Variants in NCAPH2 observed in about 807,000 individuals in gnomAD.
NCAPH2 encodes condensin-2 complex subunit H2.
Under a neutral mutation model 88.6 loss-of-function variants are expected in NCAPH2, and 56 were observed. That is an observed-to-expected ratio of 0.63 (90% confidence interval 0.51 to 0.79). NCAPH2 has a LOEUF of 0.79. Ranked by LOEUF, NCAPH2 falls within the 30% of genes least tolerant of loss-of-function variation. The pLI is 0.00. For synonymous variants in NCAPH2, 378 were observed against 313.6 expected, an observed-to-expected ratio of 1.21 and a Z score of -2.17; for missense variants, 794 against 792.0, an observed-to-expected ratio of 1.00 and a Z score of -0.03.
rs761306095 is a variant in NCAPH2, at chr22:50,518,735, G to A, written c.730+3G>A. ...ACTCGGCTTCTCCCAGGAGCCAGGT[G>A]AGAAGAGAGCTCCCCGGTGGGACTG... On this transcript the variant is annotated splice_donor_region_variant and intron_variant, in intron 8 of 19. Coordinates refer to ENST00000420993, the MANE Select transcript of NCAPH2 (RefSeq NM_152299.4). 9.4e-6 allele frequency: 15 copies of A among 1,601,870 alleles called. No individual in the cohort carries two copies. Among genetic ancestry groups the A allele is most frequent in the Non-Finnish European group, 1.2e-5 (14 of 1,175,412 alleles).
At chr22:50,514,173 A>T (rs1005420541) in intron 1 of NCAPH2, among the ~76,000 whole-genome samples, 1 of 152,144 alleles carries the variant, frequency 6.6e-6, no homozygotes, top group Non-Finnish European at 1.5e-5. Flanking sequence ...GAGGGCAGGC[A>T]GCTGGAGAGG....
Position 50,521,054 on chromosome 22 carries a change from C to T in NCAPH2, c.933+18C>T. 6.5e-7 allele frequency: 1 copy of T among 1,549,088 alleles called. No homozygotes were observed. The highest frequency in any genetic ancestry group is 1.4e-5 in the African/African-American group (1 of 73,152). On this transcript the variant is annotated intron_variant, in intron 10 of 19. Coordinates refer to ENST00000420993, the MANE Select transcript of NCAPH2 (RefSeq NM_152299.4). The stretch of plus-strand genomic sequence containing the variant: ...GCGTGAAGGTAGGAGTGTTGGGGCC[C>T]TGACCCCCGGCAGGGAGGGATGGGC...
intron 10 of NCAPH2, 27 bp from the exon 11 acceptor site, chr22:50,521,516 C>T: frequency 6.2e-7 from 1 of 1,612,550 alleles, no homozygotes; most frequent in East Asian, 2.2e-5. Flanking sequence ...CCTACTTCTC[C>T]AGCGCCTTCT....
rs764410162 is a variant in NCAPH2 at position 50,518,032 on chromosome 22, GAAC to G, written c.486_488del (p.Asn163del). On this transcript the variant is annotated inframe_deletion, in exon 6 of 20. Transcript: ENST00000420993. ...TGGTGGCCCCTGATGAAATGGAGAA[GAAC>G]AACAATCCCCTGTACAGGTAGGGAT... 12 of 1,614,070 alleles carry G rather than the reference GAAC, an allele frequency of 7.4e-6. No homozygotes were observed. The highest frequency in any genetic ancestry group is 3.3e-5 in the Admixed American group (2 of 60,012).
chr22:50,514,697 C>G (rs1258494951), intron 1 of NCAPH2, among the ~76,000 whole-genome samples: 2 of 152,212 alleles, frequency 1.3e-5, no homozygotes, highest in African/African-American at 4.8e-5. Context: ...CTCTTCAGGT[C>G]CTGAACACCC....
intron 7 of NCAPH2, 122 bp from the exon 8 acceptor site, chr22:50,518,527 A>G (rs981239169): frequency 2.7e-6 from 3 of 1,105,198 alleles, no homozygotes; most frequent in Non-Finnish European, 3.8e-6. Context: ...CCCCAGCCCA[A>G]GGCCTGGAGT....
intron 2 of NCAPH2, 36 bp from the exon 3 acceptor site, chr22:50,517,391 C>G (rs2068954052): frequency 6.2e-7 from 1 of 1,612,254 alleles, no homozygotes; most frequent in South Asian, 1.1e-5. Flanking sequence ...TGGGCCCCTC[C>G]TTTCTGGGTC....
At position 50,515,597 on chromosome 22, in the gene NCAPH2, C is replaced by T. The variant is rs368427108; in HGVS notation, c.109-850C>T. On this transcript the variant is annotated intron_variant, in intron 1 of 19. Coordinates refer to ENST00000420993, the MANE Select transcript of NCAPH2 (RefSeq NM_152299.4). ...ATTTTTAGTAGAGACGAGGTTTCAC[C>T]GTGTTAGCCAGGATGGTCTCGATCT... is the stretch of plus-strand genomic sequence containing the variant. The T allele has an allele frequency of 1.8e-3, 1,190 of 644,120 alleles. 10 individuals are homozygous for T. The African/African-American group carries it at 0.021, about 11-fold the overall frequency. The allele number at this position is 644,120 out of a possible 1,614,324, so 39.9% of individuals were successfully genotyped here.
rs759452074 is a variant in NCAPH2 at position 50,523,835 on chromosome 22, C to A, written c.*460C>A. On this transcript the variant is annotated 3_prime_UTR_variant, in exon 20 of 20. Coordinates refer to ENST00000420993, the MANE Select transcript of NCAPH2 (RefSeq NM_152299.4). ...GCCTGGGCAACCTGTTTGGTGGAGC[C>A]GGTCAGACCCAACAGTCTTGGGTGG... 1.2e-6 allele frequency: 2 copies of A among 1,614,024 alleles called. No individual in the cohort carries two copies. Among genetic ancestry groups the A allele is most frequent in the Admixed American group, 3.3e-5 (2 of 60,024 alleles).
Position 50,524,709 on chromosome 22 carries a change from A to G in NCAPH2, c.*1334A>G, listed in dbSNP as rs1306534441. The G allele has an allele frequency of 2.4e-5, 15 of 629,970 alleles. No homozygotes were observed. The highest frequency in any genetic ancestry group is 4.6e-5 in the Non-Finnish European group (15 of 329,266). 39.0% of individuals were successfully genotyped at this position (629,970 alleles called of 1,614,324 possible). A position where few individuals can be genotyped will look rare whatever the true frequency, so the allele number is the denominator to read the frequency against. On this transcript the variant is annotated 3_prime_UTR_variant, in exon 20 of 20. Transcript: ENST00000420993. The stretch of plus-strand genomic sequence containing the variant: ...CAAGGTGAACCTCTTGCTGACGGAA[A>G]GCATTCCAAGTGCATGCCTTGCCTG...
chr22:50,512,229 T>A (rs57965164), intron 1 of NCAPH2, among the ~76,000 whole-genome samples: 13,957 of 152,280 alleles, frequency 0.092, 2,132 homozygotes, highest in African/African-American at 0.31. Flanking sequence ...GTTAAAGTGT[T>A]TGTTAAATGC....
intron 17 of NCAPH2, 48 bp downstream of exon 17, chr22:50,522,768 C>A (rs759929011): frequency 2.5e-6 from 4 of 1,612,178 alleles, no homozygotes; most frequent in Admixed American, 1.7e-5. Flanking sequence ...GACAGGTGAG[C>A]GGTGCCCAGG....
In NCAPH2 at chr22:50,522,935, C is replaced by T. The variant is rs776761186; in HGVS notation, c.1527+13C>T. 3.0e-5 allele frequency: 49 copies of T among 1,612,322 alleles called. No individual in the cohort carries two copies. Among genetic ancestry groups the T allele is most frequent in the African/African-American group, 4.0e-5 (3 of 74,912 alleles). ...GCTCCAGGAGCAGGTGAGGCGGGGCCGCTGGGAACCAGAGCTGTGTGCCAC... is the reference window on the plus strand; with the variant it reads ...GCTCCAGGAGCAGGTGAGGCGGGGCTGCTGGGAACCAGAGCTGTGTGCCAC... On this transcript the variant is annotated intron_variant, in intron 18 of 19. Transcript: ENST00000420993.
At chr22:50,511,662 T>C (rs1280609973) in intron 1 of NCAPH2, among the ~76,000 whole-genome samples, 2 of 135,718 alleles carry the variant, frequency 1.5e-5, no homozygotes, top group Non-Finnish European at 3.1e-5. Flanking sequence ...TTTTTTTTTC[T>C]TGAGACAGAG....
chr22:50,519,393 T>G (rs1237760599), intron 9 of NCAPH2, 73 bp downstream of exon 9: 6 of 1,587,132 alleles, frequency 3.8e-6, no homozygotes, highest in Non-Finnish European at 5.1e-6. Flanking sequence ...CGAGTCACCT[T>G]GCACAAGGAG....
At chr22:50,519,954 T>C (rs2069040083) in intron 9 of NCAPH2, among the ~76,000 whole-genome samples, 1 of 152,128 alleles carries the variant, frequency 6.6e-6, no homozygotes, top group African/African-American at 2.4e-5. Flanking sequence ...CACTGCAAGC[T>C]CCGCCTCCCG....
chr22:50,512,154 G>T (rs1318714479), intron 1 of NCAPH2, among the ~76,000 whole-genome samples: 1 of 152,222 alleles, frequency 6.6e-6, no homozygotes, highest in Non-Finnish European at 1.5e-5. Flanking sequence ...ATTCTGCCAG[G>T]GCAGGGACCA....
chr22:50,517,722 G>A lies in NCAPH2; in HGVS notation c.352-19G>A, dbSNP rs376989523. 2.2e-5 allele frequency: 36 copies of A among 1,613,950 alleles called. No homozygotes were observed. Among genetic ancestry groups the A allele is most frequent in the African/African-American group, 8.0e-5 (6 of 74,934 alleles). Reference sequence around the variant, plus strand: ...GTGTTTGCCTGGGCTCCGCCCCCACGAGCTCTGTCTCCCTCCAGTTCCTGT... The same window carrying A: ...GTGTTTGCCTGGGCTCCGCCCCCACAAGCTCTGTCTCCCTCCAGTTCCTGT... On this transcript the variant is annotated intron_variant, in intron 4 of 19. Coordinates refer to ENST00000420993, the MANE Select transcript of NCAPH2 (RefSeq NM_152299.4).
intron 1 of NCAPH2, among the ~76,000 whole-genome samples, chr22:50,515,177 AAG>A (rs1257149139): frequency 6.6e-6 from 1 of 152,194 alleles, no homozygotes; most frequent in Non-Finnish European, 1.5e-5. Context: ...GGCTCTGAAA[AAG>A]AGTTTGCGTG....
Sources: allele counts gnomAD v4.1 joint callset (sites outside exome capture counted in the v4.1 genomes callset), GRCh38; gene constraint gnomAD v4.1.1; transcripts MANE v1.5; gene names NCBI Gene and HGNC (gene_info 2026-07-23, HGNC 2026-07-21).